CDH22: variants seen among roughly 807,000 people sequenced by gnomAD.
The protein encoded by CDH22 is cadherin-22.
A neutral mutation model predicts 58.4 loss-of-function variants in CDH22; 30 were observed. The ratio of observed to expected loss-of-function variants is 0.51; its 90% CI spans 0.38 to 0.70. The LOEUF is 0.70. Among genes scored for constraint, CDH22 ranks in the 30% least tolerant of loss-of-function variants. The pLI, the probability that CDH22 is intolerant of heterozygous loss-of-function variation, is 0.00. For synonymous variants in CDH22, 513 were observed against 558.2 expected (o/e 0.92, Z 1.14); for missense variants, 1,014 against 1,233.9 (o/e 0.82, Z 2.67).
intron 1 of CDH22, among the ~76,000 whole-genome samples, chr20:46,258,885 G>A (rs1194337287): frequency 6.6e-6 from 1 of 152,246 alleles, no homozygotes; most frequent in Non-Finnish European, 1.5e-5. Flanking sequence ...GGGCCAAGAA[G>A]AGGGGAGGTC....
At position 46,175,090 on chromosome 20, in the gene CDH22, CAG is replaced by C. The variant is rs2085729165; in HGVS notation, c.1916-15_1916-14del. 1 of 1,573,372 alleles carries C rather than the reference CAG, an allele frequency of 6.4e-7. No individual in the cohort carries two copies. The highest frequency in any genetic ancestry group is 8.6e-7 in the Non-Finnish European group (1 of 1,163,834). On this transcript the variant is annotated splice_polypyrimidine_tract_variant and intron_variant, in intron 11 of 11. Transcript: ENST00000537909. ...AGCAGCACCAGCACTGCGAGGGGGA[CAG>C]AGGGGGCAACTGAGGGCCAAGCCCC...
At chr20:46,243,075 C>A (rs932611163) in intron 2 of CDH22, among the ~76,000 whole-genome samples, 1 of 152,182 alleles carries the variant, frequency 6.6e-6, no homozygotes, top group African/African-American at 2.4e-5. Flanking sequence ...CCTCTCTAAG[C>A]TTCCATGGAG....
intron 1 of CDH22, among the ~76,000 whole-genome samples, chr20:46,278,508 G>A (rs1792927831): frequency 6.6e-6 from 1 of 152,190 alleles, no homozygotes; most frequent in African/African-American, 2.4e-5. Context: ...ACCTAGAGAT[G>A]ACCTAGACAG....
intron 1 of CDH22, among the ~76,000 whole-genome samples, chr20:46,276,419 T>C (rs2086517523): frequency 6.6e-6 from 1 of 152,158 alleles, no homozygotes; most frequent in Non-Finnish European, 1.5e-5. Flanking sequence ...CTAGTCCGGC[T>C]GGGAGAATTG....
intron 1 of CDH22, among the ~76,000 whole-genome samples, chr20:46,264,611 C>G (rs1746312130): frequency 6.6e-6 from 1 of 152,090 alleles, no homozygotes; most frequent in African/African-American, 2.4e-5. Flanking sequence ...AGTGGAGGAT[C>G]TGGAATTCAA....
intron 8 of CDH22, among the ~76,000 whole-genome samples, chr20:46,189,395 G>T (rs900304014): frequency 6.6e-6 from 1 of 152,130 alleles, no homozygotes; most frequent in African/African-American, 2.4e-5. Flanking sequence ...AGGAACAGGC[G>T]CCTCTTTCCC....
chr20:46,274,335 G>A (rs17382724), intron 1 of CDH22, among the ~76,000 whole-genome samples: 35,876 of 152,040 alleles, frequency 0.24, 4,423 homozygotes, highest in South Asian at 0.36. Context: ...CTCAACAAGG[G>A]TCTTTGGTGC....
intron 1 of CDH22, among the ~76,000 whole-genome samples, chr20:46,268,573 C>G (rs2086473153): frequency 6.6e-6 from 1 of 152,242 alleles, no homozygotes; most frequent in Non-Finnish European, 1.5e-5. Context: ...TTTATGGCCT[C>G]TCTTTGCAGG....
chr20:46,248,098 G>A (rs1243899447), intron 2 of CDH22, among the ~76,000 whole-genome samples: 4 of 152,208 alleles, frequency 2.6e-5, no homozygotes, highest in South Asian at 2.1e-4. Context: ...ATGTTGCTGT[G>A]TAGACTTGGC....
intron 8 of CDH22, among the ~76,000 whole-genome samples, chr20:46,189,353 C>T (rs929966834): frequency 5.3e-5 from 8 of 152,134 alleles, no homozygotes; most frequent in Non-Finnish European, 7.3e-5. Flanking sequence ...ACGGTCGGTG[C>T]TTTTGGGAAG....
intron 7 of CDH22, among the ~76,000 whole-genome samples, chr20:46,206,846 C>T (rs184096179): frequency 9.2e-5 from 14 of 152,284 alleles, no homozygotes; most frequent in Admixed American, 3.3e-4. Flanking sequence ...AGAACAGTGC[C>T]GGGCACAACT....
chr20:46,200,210 G>A (rs556695147), intron 7 of CDH22, among the ~76,000 whole-genome samples: 253 of 151,908 alleles, frequency 1.7e-3, no homozygotes, highest in Middle Eastern at 0.01. Flanking sequence ...TCCTGACCTC[G>A]TGATCTGCCC....
chr20:46,235,315 G>T (rs1404521275), intron 3 of CDH22, among the ~76,000 whole-genome samples: 3 of 152,190 alleles, frequency 2.0e-5, no homozygotes, highest in African/African-American at 7.2e-5. Flanking sequence ...TAGGGAAGGG[G>T]TGTGGCTCCC....
chr20:46,284,762 G>A (rs188463443), intron 1 of CDH22, among the ~76,000 whole-genome samples: 20 of 152,258 alleles, frequency 1.3e-4, no homozygotes, highest in African/African-American at 4.8e-4. Flanking sequence ...CGCCATTTCT[G>A]TCCCTCCAGG....
intron 2 of CDH22, among the ~76,000 whole-genome samples, chr20:46,245,158 A>C (rs2086319366): frequency 6.6e-6 from 1 of 152,130 alleles, no homozygotes; most frequent in Non-Finnish European, 1.5e-5. Context: ...TCGAGGGGTC[A>C]CCTAATTCAT....
chr20:46,276,823 T>G (rs923297728), intron 1 of CDH22, among the ~76,000 whole-genome samples: 15 of 81,972 alleles, frequency 1.8e-4, no homozygotes, highest in Non-Finnish European at 3.4e-4. Flanking sequence ...AGATGCCAGA[T>G]CCACAGAGTG....
chr20:46,195,534 T>G (rs1398210720), intron 8 of CDH22, among the ~76,000 whole-genome samples: 1 of 152,160 alleles, frequency 6.6e-6, no homozygotes, highest in Non-Finnish European at 1.5e-5. Flanking sequence ...AGCTTAGGGC[T>G]GGATGACTCT....
At position 46,251,894 on chromosome 20, in the gene CDH22, G is replaced by A. The variant is rs552631381; in HGVS notation, c.-399-201C>T. On this transcript the variant is annotated intron_variant, in intron 1 of 11. Coordinates refer to ENST00000537909, the MANE Select transcript of CDH22 (RefSeq NM_021248.3). The surrounding 1 kb of genome is among the most constrained non-coding windows in gnomAD (Gnocchi z 6.7). ...TAGTAGGCGCCCTCTCCCGCACATC[G>A]CAGCCTCTCCTTTCACCTGGCATCA... is the stretch of plus-strand genomic sequence containing the variant. Among the ~76,000 whole-genome samples the A allele has an allele frequency of 5.9e-5, 9 of 152,028 alleles. No homozygotes were observed. In the South Asian group the frequency reaches 6.3e-4, roughly 11 times the overall value.
intron 1 of CDH22, among the ~76,000 whole-genome samples, chr20:46,279,108 G>A (rs990961121): frequency 1.3e-5 from 2 of 152,182 alleles, no homozygotes; most frequent in East Asian, 1.9e-4. Flanking sequence ...GGTGTCTGCC[G>A]AAAACTGGAG....
Sources: allele counts gnomAD v4.1 joint callset (sites outside exome capture counted in the v4.1 genomes callset), GRCh38; gene constraint gnomAD v4.1.1; non-coding constraint Gnocchi (gnomAD v3.1); transcripts MANE v1.5; gene names NCBI Gene and HGNC (gene_info 2026-07-23, HGNC 2026-07-21).